The following ADGRF5 variants were observed in gnomAD, a reference collection of about 807,000 sequenced individuals.
The protein encoded by ADGRF5 is adhesion G protein-coupled receptor F5.
ADGRF5 carries 75 observed loss-of-function variants against 132.3 expected under a neutral mutation model. The ratio of observed to expected loss-of-function variants is 0.57; its 90% confidence interval spans 0.47 to 0.69. The LOEUF is 0.69. Among genes scored for constraint, ADGRF5 ranks in the 30% least tolerant of loss-of-function variants. The pLI is 0.00. For synonymous variants in ADGRF5, 629 were observed against 597.6 expected, an observed-to-expected ratio of 1.05 and a Z score of -0.77; for missense variants, 1,516 against 1,630.6, an observed-to-expected ratio of 0.93 and a Z score of 1.21.
rs1397708175 is a variant in ADGRF5 at position 46,858,781 on chromosome 6, A to G, written c.3122T>C (p.Val1041Ala). Residue 1041 changes from valine to alanine, a missense_variant, in exon 17 of 21, where the codon GTG becomes GCG. Physicochemically the swap from Val to Ala is moderately conservative, Grantham distance 64 (BLOSUM62 0). Coordinates refer to ENST00000283296, the MANE Select transcript of ADGRF5 (RefSeq NM_001098518.2). ...LVVEAVVWKS[V>A]TKNRTSYMRH... ...CATATAAGAAGTCCGGTTCTTGGTC[A>G]CCGATTTCCACACCACAGCTTCCAC... 1 of 1,614,144 alleles carries G rather than the reference A, an allele frequency of 6.2e-7. No homozygotes were observed. Among genetic ancestry groups the G allele is most frequent in the African/African-American group, 1.3e-5 (1 of 75,044 alleles).
At chr6:46,857,156 C>T (rs1194399248) in intron 17 of ADGRF5, among the ~76,000 whole-genome samples, 2 of 152,128 alleles carry the variant, frequency 1.3e-5, no homozygotes, top group Non-Finnish European at 2.9e-5. Flanking sequence ...ACTGGAGGTC[C>T]TGTTGGTTAT....
chr6:46,924,277 A>C (rs1304157055), upstream of ADGRF5, among the ~76,000 whole-genome samples: 2 of 152,202 alleles, frequency 1.3e-5, no homozygotes, highest in Non-Finnish European at 2.9e-5. Context: ...TGCCAGATGC[A>C]TGTCTTTTTG....
At chr6:46,913,499 C>CAAA (rs10713382) in intron 1 of ADGRF5, among the ~76,000 whole-genome samples, 60 of 147,046 alleles carry the variant, frequency 4.1e-4, no homozygotes, top group Middle Eastern at 3.5e-3. Flanking sequence ...AACTCCACCT[C>CAAA]AAAAAAAAAA....
intron 1 of ADGRF5, among the ~76,000 whole-genome samples, chr6:46,917,788 A>C (rs1776556158): frequency 6.6e-6 from 1 of 152,102 alleles, no homozygotes; most frequent in Non-Finnish European, 1.5e-5. Flanking sequence ...TCTTAGAAAT[A>C]CCTAATGTAA....
At chr6:46,911,554 C>T (rs368095946) in intron 1 of ADGRF5, among the ~76,000 whole-genome samples, 3 of 152,176 alleles carry the variant, frequency 2.0e-5, no homozygotes, top group African/African-American at 7.2e-5. Context: ...TCCTTCAATG[C>T]CCAGGCAAAG....
chr6:46,907,317 T>C (rs1469334896), intron 1 of ADGRF5, among the ~76,000 whole-genome samples: 3 of 152,164 alleles, frequency 2.0e-5, no homozygotes, highest in Non-Finnish European at 2.9e-5. Flanking sequence ...ATATAGAATA[T>C]TAGTATCATT....
chr6:46,877,323 T>TC (rs1348421437), intron 10 of ADGRF5, among the ~76,000 whole-genome samples: 47 of 9,436 alleles, frequency 5.0e-3, no homozygotes, highest in African/African-American at 8.5e-3. Context: ...CCTTCCTTCC[T>TC]TCTTTCTTTC....
rs1352873199 is a variant in ADGRF5 at position 46,863,067 on chromosome 6, T to C, written c.2020A>G (p.Ile674Val). ...GENITCQDPV[I>V]GVGEPGKVIQ... ...ACTTTCCCCGGCTCTCCGACACCTA[T>C]TACGGGATCCTGGCATGTGATGTTT... Residue 674 changes from isoleucine to valine, a missense_variant, in exon 15 of 21, where the codon ATA (isoleucine) becomes GTA (valine). This residue lies in a region of ADGRF5 where 945 missense variants were observed against 929.4 expected (regional missense o/e 1.02). Coordinates refer to ENST00000283296, the MANE Select transcript of ADGRF5 (RefSeq NM_001098518.2). 2.5e-6 allele frequency: 4 copies of C among 1,613,760 alleles called. No individual in the cohort carries two copies. In the Admixed American group the frequency reaches 6.7e-5, roughly 27 times the overall value.
intron 10 of ADGRF5, 86 bp from the exon 11 acceptor site, chr6:46,872,099 A>T: frequency 1.1e-6 from 1 of 921,242 alleles, no homozygotes; most frequent in Non-Finnish European, 1.6e-6. Flanking sequence ...TTTTTTCATA[A>T]AAGGAGTTAC....
Position 46,875,442 on chromosome 6 carries a change from C to T in ADGRF5, c.1240+2760G>A, listed in dbSNP as rs555933227. Among the ~76,000 whole-genome samples the T allele has an allele frequency of 9.8e-4, 149 of 152,252 alleles. 1 individual carries two copies. The highest frequency in any genetic ancestry group is 3.4e-3 in the African/African-American group (140 of 41,554). On this transcript the variant is annotated intron_variant, in intron 10 of 20. Coordinates refer to ENST00000283296, the MANE Select transcript of ADGRF5 (RefSeq NM_001098518.2). ...TGGTGATGGTACCTGCTTTGCAAGA[C>T]TTTGTGTGGGGAGTGGAGAAAAACC...
chr6:46,876,349 G>A (rs1361196777), intron 10 of ADGRF5, among the ~76,000 whole-genome samples: 1 of 152,148 alleles, frequency 6.6e-6, no homozygotes, highest in African/African-American at 2.4e-5. Context: ...TTCACCTTTC[G>A]GGGTTGAAAG....
intron 1 of ADGRF5, among the ~76,000 whole-genome samples, chr6:46,941,458 A>G (rs1378527537): frequency 4.5e-5 from 2 of 44,346 alleles, no homozygotes; most frequent in African/African-American, 6.6e-5. Flanking sequence ...AAAGAAAAGA[A>G]AAGAAAAGAA....
At chr6:46,906,042 G>A (rs1156759486) in intron 2 of ADGRF5, among the ~76,000 whole-genome samples, 1 of 152,168 alleles carries the variant, frequency 6.6e-6, no homozygotes, top group Non-Finnish European at 1.5e-5. Context: ...GCTAAGTAAG[G>A]AATAACCTGA....
rs1772264537 is a variant in ADGRF5, at chr6:46,879,933, T to C, written c.921A>G (p.Glu307=). The C allele has an allele frequency of 1.9e-6, 3 of 1,614,042 alleles. No homozygotes were observed. Among genetic ancestry groups the C allele is most frequent in the Admixed American group, 3.3e-5 (2 of 60,026 alleles). The change falls in exon 9 of 21, where the codon GAA becomes GAG. Residue 307 remains glutamate (E), a synonymous_variant. Coordinates refer to ENST00000283296, the MANE Select transcript of ADGRF5 (RefSeq NM_001098518.2). ...VLSSNVSWRY[E]EQQLEIQNSS... ...TGTTCTGGATTTCCAACTGCTGTTC[T>C]TCATAGCGCCAAGACACATTGGAGG...
chr6:46,919,052 A>G (rs1442233418), intron 1 of ADGRF5, among the ~76,000 whole-genome samples: 2 of 152,170 alleles, frequency 1.3e-5, no homozygotes, highest in Non-Finnish European at 2.9e-5. Context: ...CTCTTTGTTA[A>G]GTTCCTAGGG....
upstream of ADGRF5, among the ~76,000 whole-genome samples, chr6:46,926,720 T>G (rs573458491): frequency 1.3e-5 from 2 of 152,238 alleles, no homozygotes; most frequent in Middle Eastern, 6.8e-3. Context: ...GTGATGCACA[T>G]AATTTCAGAA....
chr6:46,869,225 C>A, intron 11 of ADGRF5, 133 bp from the exon 12 acceptor site: 1 of 1,487,978 alleles, frequency 6.7e-7, no homozygotes, highest in Non-Finnish European at 8.9e-7. Flanking sequence ...TGACTCTACT[C>A]ATGTCAAGGT....
chr6:46,920,568 A>G (rs914982323), intron 1 of ADGRF5, among the ~76,000 whole-genome samples: 6 of 151,618 alleles, frequency 4.0e-5, no homozygotes, highest in African/African-American at 1.5e-4. Flanking sequence ...GCAATTGAAA[A>G]CTGTTAACAG....
Position 46,883,662 on chromosome 6 carries a change from ACAT to A in ADGRF5, c.506_508del (p.Asp169del). 6.5e-7 allele frequency: 1 copy of A among 1,537,480 alleles called. No individual in the cohort carries two copies. The highest frequency in any genetic ancestry group is 8.9e-7 in the Non-Finnish European group (1 of 1,127,010). On this transcript the variant is annotated inframe_deletion and splice_region_variant, in exon 6 of 21. Coordinates refer to ENST00000283296, the MANE Select transcript of ADGRF5 (RefSeq NM_001098518.2). ...TAGTCTGACTCTCATGTTCAGGGTA[ACAT>A]CTGTTGAAAAACACAGGGCAATATT...
Sources: allele counts gnomAD v4.1 joint callset (sites outside exome capture counted in the v4.1 genomes callset), GRCh38; gene constraint gnomAD v4.1.1; regional missense constraint gnomAD v4.1.1; transcripts MANE v1.5; gene names NCBI Gene and HGNC (gene_info 2026-07-23, HGNC 2026-07-21).